The following MAP4K5 variants were observed in gnomAD, a reference collection of about 807,000 sequenced individuals.
MAP4K5 encodes the protein mitogen-activated protein kinase kinase kinase kinase 5, also known as MAPK/ERK kinase kinase kinase 5.
MAP4K5 carries 82 observed loss-of-function variants against 135.6 expected under a neutral mutation model. That is an observed-to-expected ratio of 0.60 (90% confidence interval 0.51 to 0.73). The LOEUF (loss-of-function observed/expected upper bound fraction) is 0.73. Among genes scored for constraint, MAP4K5 ranks in the 30% least tolerant of loss-of-function variants. The pLI is 0.00. For synonymous variants in MAP4K5, 347 were observed against 335.0 expected (o/e 1.04, Z -0.39); for missense variants, 907 against 1,010.9 (o/e 0.90, Z 1.39).
chr14:50,432,572 AAAAAC>A (rs2035996511), intron 28 of MAP4K5, among the ~76,000 whole-genome samples: 1 of 151,942 alleles, frequency 6.6e-6, no homozygotes, highest in African/African-American at 2.4e-5. Context: ...AAAAAAAAAA[AAAAAC>A]AAAAAAACGC....
At chr14:50,425,869 T>C (rs1435495365) in intron 31 of MAP4K5, 38 bp downstream of exon 31, 2 of 1,418,586 alleles carry the variant, frequency 1.4e-6, no homozygotes, top group Non-Finnish European at 2.0e-6. Flanking sequence ...TTTAAAATTG[T>C]TAGTGGGAGT....
intron 1 of MAP4K5, chr14:50,558,957 G>C (rs935491827): frequency 3.3e-5 from 5 of 152,230 alleles, no homozygotes; most frequent in Non-Finnish European, 5.9e-5. Context: ...TAATGCATAA[G>C]ATTTGGCAGT....
intron 2 of MAP4K5, among the ~76,000 whole-genome samples, chr14:50,538,674 C>T (rs1452507343): frequency 6.6e-6 from 1 of 152,214 alleles, no homozygotes; most frequent in Non-Finnish European, 1.5e-5. Flanking sequence ...CTTACAGCTG[C>T]ATAGCTCTTG....
At position 50,448,704 on chromosome 14, in the gene MAP4K5, G is replaced by A. The variant is rs967982933; in HGVS notation, c.1074+70C>T. 9.4e-6 allele frequency: 8 copies of A among 848,228 alleles called. No homozygotes were observed. In the South Asian group the frequency reaches 1.3e-4, roughly 14 times the overall value. 52.5% of individuals were successfully genotyped at this position (848,228 alleles called of 1,614,324 possible). A position where few individuals can be genotyped will look rare whatever the true frequency, so the allele number is the denominator to read the frequency against. On this transcript the variant is annotated intron_variant, in intron 15 of 32. Transcript: ENST00000682126. ...TATATTACTTTGTTTTCTAATCAAA[G>A]TACAACTAACAAAAAAAAAGTTTTC...
chr14:50,514,442 G>A (rs1002028569), intron 2 of MAP4K5, among the ~76,000 whole-genome samples: 1 of 152,102 alleles, frequency 6.6e-6, no homozygotes, highest in African/African-American at 2.4e-5. Flanking sequence ...CTTACTATGT[G>A]CCAGGTACGG....
chr14:50,476,232 C>T (rs1566665905), intron 7 of MAP4K5, 27 bp downstream of exon 7: 2 of 1,480,690 alleles, frequency 1.4e-6, no homozygotes, highest in Non-Finnish European at 1.8e-6. Flanking sequence ...ATAGAATTGG[C>T]AATTTAAATG....
intron 10 of MAP4K5, chr14:50,468,432 A>G (rs6572670): frequency 0.97 from 487,779 of 504,914 alleles, 237,345 homozygotes; most frequent in East Asian, 1. Context: ...AGAAGGAGAA[A>G]AGCAGAACAA....
intron 8 of MAP4K5, among the ~76,000 whole-genome samples, chr14:50,475,422 GAGA>G (rs956330893): frequency 6.7e-6 from 1 of 148,884 alleles, no homozygotes; most frequent in African/African-American, 2.5e-5. Context: ...TTGGGAAAAA[GAGA>G]AAAAAAAAAG....
At chr14:50,488,396 T>C (rs933499713) in intron 3 of MAP4K5, among the ~76,000 whole-genome samples, 2 of 152,212 alleles carry the variant, frequency 1.3e-5, no homozygotes, top group South Asian at 4.1e-4. Context: ...TATCAATATG[T>C]TATTCTTTGG....
At chr14:50,524,002 C>T (rs1566694883) in intron 2 of MAP4K5, among the ~76,000 whole-genome samples, 2 of 152,186 alleles carry the variant, frequency 1.3e-5, no homozygotes, top group Non-Finnish European at 2.9e-5. Flanking sequence ...TTACATTTAT[C>T]CCCTACTCTA....
chr14:50,515,030 A>C (rs2038006059), intron 2 of MAP4K5, among the ~76,000 whole-genome samples: 1 of 151,908 alleles, frequency 6.6e-6, no homozygotes. Context: ...CAGCCTCCCG[A>C]GTAGCTGGGA....
chr14:50,435,126 G>T, intron 26 of MAP4K5, 61 bp from the exon 27 acceptor site: 1 of 822,080 alleles, frequency 1.2e-6, no homozygotes. Flanking sequence ...TACTTTCATT[G>T]TATCTGTTAA....
At position 50,419,732 on chromosome 14, in the gene MAP4K5, C is replaced by T. The variant is rs1055278243; in HGVS notation, c.*287G>A. Reference sequence around the variant, plus strand: ...TAAAAATACCATGGCACCCTTGTTACAAACATTGTTTTTTTTAAAAAAAGA... The same window carrying T: ...TAAAAATACCATGGCACCCTTGTTATAAACATTGTTTTTTTTAAAAAAAGA... On this transcript the variant is annotated 3_prime_UTR_variant, in exon 33 of 33. Transcript: ENST00000682126. 2 of 286,416 alleles carry T rather than the reference C, an allele frequency of 7.0e-6. No homozygotes were observed. Among genetic ancestry groups the T allele is most frequent in the Non-Finnish European group, 1.3e-5 (2 of 152,034 alleles). The allele number at this position is 286,416 out of a possible 1,614,324, so 17.7% of individuals were successfully genotyped here. A position where few individuals can be genotyped will look rare whatever the true frequency, so the allele number is the denominator to read the frequency against.
upstream of MAP4K5, among the ~76,000 whole-genome samples, chr14:50,536,539 T>C (rs766930282): frequency 3.3e-5 from 5 of 151,148 alleles, no homozygotes; most frequent in Non-Finnish European, 7.4e-5. Context: ...CAGGCAGAGG[T>C]TGGAAGAGTT....
At chr14:50,481,837 A>G (rs1329861682) in intron 6 of MAP4K5, among the ~76,000 whole-genome samples, 1 of 152,258 alleles carries the variant, frequency 6.6e-6, no homozygotes, top group Non-Finnish European at 1.5e-5. Flanking sequence ...TGCTATCAAT[A>G]ACATTTAATA....
chr14:50,441,425 T>C (rs962510732), intron 21 of MAP4K5, among the ~76,000 whole-genome samples: 1 of 152,118 alleles, frequency 6.6e-6, no homozygotes, highest in Non-Finnish European at 1.5e-5. Flanking sequence ...TTCTGTGTTA[T>C]TCCCATCAAA....
chr14:50,553,348 G>GA (rs2140163173), intron 1 of MAP4K5, among the ~76,000 whole-genome samples: 1 of 150,934 alleles, frequency 6.6e-6, no homozygotes, highest in African/African-American at 2.4e-5. Flanking sequence ...AACAAACATT[G>GA]AAAAAATGCT....
intron 10 of MAP4K5, 73 bp downstream of exon 10, chr14:50,468,578 T>C: frequency 1.4e-6 from 2 of 1,448,430 alleles, no homozygotes; most frequent in Non-Finnish European, 1.9e-6. Context: ...ATGAGCTTGA[T>C]GCTGAGTTAT....
At chr14:50,485,830 G>T in intron 4 of MAP4K5, 188 bp from the exon 5 acceptor site, 1 of 553,834 alleles carries the variant, frequency 1.8e-6, no homozygotes. Flanking sequence ...ATCTTCAGTG[G>T]TTTAGAATAT....
Sources: gnomAD v4.1 joint callset for allele counts (sites outside exome capture counted in the v4.1 genomes callset) on GRCh38, gnomAD v4.1.1 for gene constraint, MANE v1.5 for transcripts, NCBI Gene and HGNC (gene_info 2026-07-23, HGNC 2026-07-21) for gene names.